Variants in PREP observed in about 807,000 individuals in gnomAD.
The protein encoded by PREP is dJ355L5.1 (prolyl endopeptidase).
Under a neutral mutation model 87.6 loss-of-function variants are expected in PREP, and 29 were observed. That is an observed-to-expected ratio of 0.33 (90% CI 0.25 to 0.45). The LOEUF (loss-of-function observed/expected upper bound fraction) is 0.45. Among genes scored for constraint, PREP ranks in the 20% least tolerant of loss-of-function variants. PREP has a pLI of 1.00. For missense variants in PREP, 695 were observed against 886.5 expected (o/e 0.78, Z 2.74); for synonymous variants, 337 against 328.6 (o/e 1.03, Z -0.28).
At chr6:105,345,704 A>G (rs1416337910) in intron 7 of PREP, among the ~76,000 whole-genome samples, 1 of 152,232 alleles carries the variant, frequency 6.6e-6, no homozygotes, top group African/African-American at 2.4e-5. Context: ...TCAGTCTGCC[A>G]CATGATTAAC....
At chr6:105,309,427 G>A (rs1430093241) in intron 10 of PREP, among the ~76,000 whole-genome samples, 10 of 152,124 alleles carry the variant, frequency 6.6e-5, no homozygotes, top group East Asian at 3.9e-4. Flanking sequence ...TCGACTCACC[G>A]CAAACTCTGC....
intron 12 of PREP, among the ~76,000 whole-genome samples, chr6:105,284,107 C>T (rs1770136375): frequency 6.6e-6 from 1 of 152,184 alleles, no homozygotes; most frequent in Admixed American, 6.5e-5. Flanking sequence ...CCTCTTATCA[C>T]TCATCTTTTA....
intron 10 of PREP, among the ~76,000 whole-genome samples, chr6:105,318,979 G>C (rs1329817643): frequency 1.3e-4 from 20 of 152,112 alleles, no homozygotes; most frequent in Admixed American, 1.3e-3. Flanking sequence ...GAATGGCAAA[G>C]CCTATATGCT....
intron 2 of PREP, among the ~76,000 whole-genome samples, chr6:105,388,754 C>T (rs141682736): frequency 5.7e-4 from 87 of 152,304 alleles, no homozygotes; most frequent in African/African-American, 1.3e-3. Context: ...ACATTTCCCA[C>T]GTCTACTACA....
chr6:105,331,782 T>C (rs1021470015), intron 8 of PREP, among the ~76,000 whole-genome samples: 15 of 152,106 alleles, frequency 9.9e-5, no homozygotes, highest in African/African-American at 3.4e-4. Context: ...CGTCCAAATA[T>C]AAATAAGGGT....
chr6:105,331,819 A>C (rs1771343610), intron 8 of PREP, among the ~76,000 whole-genome samples: 2 of 152,308 alleles, frequency 1.3e-5, no homozygotes, highest in South Asian at 4.1e-4. Flanking sequence ...GGTTTTGAGG[A>C]GACAGGTGAT....
At chr6:105,369,185 C>T (rs1224051730) in intron 5 of PREP, among the ~76,000 whole-genome samples, 161 bp from the exon 6 acceptor site, 1 of 152,112 alleles carries the variant, frequency 6.6e-6, no homozygotes, top group African/African-American at 2.4e-5. Context: ...CAGCAACGAA[C>T]AAGTAGATTT....
At chr6:105,309,408 T>A (rs1158926212) in intron 10 of PREP, among the ~76,000 whole-genome samples, 1 of 151,998 alleles carries the variant, frequency 6.6e-6, no homozygotes, top group Non-Finnish European at 1.5e-5. Flanking sequence ...GTAATGTGTT[T>A]ATGCGATCTC....
intron 7 of PREP, among the ~76,000 whole-genome samples, chr6:105,350,444 T>G (rs887118998): frequency 6.6e-6 from 1 of 152,218 alleles, no homozygotes; most frequent in Non-Finnish European, 1.5e-5. Context: ...AGGCTGTGGT[T>G]ATTATCCCAA....
chr6:105,344,735 G>A (rs1021474777), intron 7 of PREP, among the ~76,000 whole-genome samples: 6 of 152,140 alleles, frequency 3.9e-5, no homozygotes, highest in Admixed American at 6.5e-5. Context: ...TGTAAATGAC[G>A]AGTTAATGGG....
chr6:105,354,410 G>A (rs1229160971), intron 6 of PREP, among the ~76,000 whole-genome samples: 2 of 151,982 alleles, frequency 1.3e-5, no homozygotes, highest in Non-Finnish European at 2.9e-5. Flanking sequence ...TAGCAATACC[G>A]TATGAGAGTT....
chr6:105,387,167 G>C (rs1773017851), intron 2 of PREP, among the ~76,000 whole-genome samples: 1 of 151,440 alleles, frequency 6.6e-6, no homozygotes, highest in South Asian at 2.1e-4. Context: ...GGTTGCAGTG[G>C]AGATCTGCCA....
At chr6:105,400,129 C>T (rs1483758641) in intron 1 of PREP, among the ~76,000 whole-genome samples, 1 of 152,176 alleles carries the variant, frequency 6.6e-6, no homozygotes, top group African/African-American at 2.4e-5. Context: ...TTTCTAAGAC[C>T]ATACCCTACA....
At chr6:105,321,225 A>G (rs985175129) in intron 10 of PREP, among the ~76,000 whole-genome samples, 1 of 152,248 alleles carries the variant, frequency 6.6e-6, no homozygotes, top group African/African-American at 2.4e-5. Context: ...CTAAATATGG[A>G]AATGAAGAGC....
At chr6:105,367,300 C>T (rs867256914) in intron 6 of PREP, among the ~76,000 whole-genome samples, 3 of 152,126 alleles carry the variant, frequency 2.0e-5, no homozygotes, top group Middle Eastern at 3.4e-3. Context: ...TTGGCAGAAA[C>T]AGTCTCCAAA....
intron 12 of PREP, among the ~76,000 whole-genome samples, chr6:105,283,960 T>A (rs1770133329): frequency 6.6e-6 from 1 of 152,142 alleles, no homozygotes; most frequent in African/African-American, 2.4e-5. Context: ...CAGGAGAGGA[T>A]CCCAGGATCA....
rs111900118 is a variant in PREP at position 105,395,045 on chromosome 6, G to C, written c.120+2808C>G. On this transcript the variant is annotated intron_variant, in intron 2 of 14. Coordinates refer to ENST00000652536, the MANE Select transcript of PREP (RefSeq NM_002726.5). Reference sequence around the variant, plus strand: ...TATAGTGCATCTGCCTGATGAAATAGTATCACTATTAAAATTCTGGGCTGC... The same window carrying C: ...TATAGTGCATCTGCCTGATGAAATACTATCACTATTAAAATTCTGGGCTGC... Among the ~76,000 whole-genome samples the C allele has an allele frequency of 5.3e-3, 810 of 152,232 alleles. 6 individuals carry two copies. The highest frequency in any genetic ancestry group is 0.017 in the African/African-American group (719 of 41,554).
At chr6:105,287,853 A>G (rs1770218859) in intron 11 of PREP, among the ~76,000 whole-genome samples, 1 of 152,270 alleles carries the variant, frequency 6.6e-6, no homozygotes, top group East Asian at 1.9e-4. Context: ...ATGGGATATT[A>G]AAATCAAGTT....
intron 2 of PREP, among the ~76,000 whole-genome samples, chr6:105,387,835 A>T (rs1476871096): frequency 1.3e-5 from 2 of 152,148 alleles, no homozygotes; most frequent in Admixed American, 6.5e-5. Context: ...TCAGAGATCA[A>T]GTGGCATGCC....
Sources: gnomAD v4.1 joint callset for allele counts (sites outside exome capture counted in the v4.1 genomes callset) on GRCh38, gnomAD v4.1.1 for gene constraint, MANE v1.5 for transcripts, NCBI Gene and HGNC (gene_info 2026-07-23, HGNC 2026-07-21) for gene names.